ALK: variants seen among roughly 807,000 people sequenced by gnomAD.
ALK encodes the protein ALK tyrosine kinase receptor.
In ALK, 74 loss-of-function variants were observed where a neutral mutation model predicts 163.1. That is an observed-to-expected ratio of 0.45 (90% CI 0.38 to 0.55). The LOEUF is 0.55. Ranked by LOEUF, ALK falls within the 20% of genes least tolerant of loss-of-function variation. The probability of loss-of-function intolerance (pLI) is 0.00; values close to 1 mark genes in which losing one functional copy is unlikely to be tolerated. For synonymous variants in ALK, 960 were observed against 843.2 expected (o/e 1.14, Z -2.40); for missense variants, 2,063 against 2,105.3 (o/e 0.98, Z 0.39).
intron 4 of ALK, among the ~76,000 whole-genome samples, chr2:29,426,868 T>A (rs1437152314): frequency 6.6e-6 from 1 of 151,612 alleles, no homozygotes; most frequent in African/African-American, 2.4e-5. Flanking sequence ...TAAAACCCTA[T>A]CTCTACTAAA....
At chr2:29,240,152 CAGAGAGAGAGAGAG>C (rs3054022) in intron 12 of ALK, among the ~76,000 whole-genome samples, 1 of 143,298 alleles carries the variant, frequency 7.0e-6, no homozygotes, top group South Asian at 2.3e-4. Context: ...AGGGAAACAG[CAGAGAGAGAGAGAG>C]AGAGAGAGAG....
At chr2:29,482,365 T>C (rs954721358) in intron 4 of ALK, among the ~76,000 whole-genome samples, 1 of 152,160 alleles carries the variant, frequency 6.6e-6, no homozygotes, top group East Asian at 1.9e-4. Context: ...TGTATGAAAG[T>C]GGACTTGGAG....
intron 5 of ALK, among the ~76,000 whole-genome samples, chr2:29,355,505 C>G (rs921775258): frequency 6.6e-6 from 1 of 152,180 alleles, no homozygotes; most frequent in Non-Finnish European, 1.5e-5. Context: ...CACACACACA[C>G]ACACCACTTG....
intron 1 of ALK, among the ~76,000 whole-genome samples, chr2:29,808,914 T>C (rs1470088638): frequency 6.6e-6 from 1 of 152,250 alleles, no homozygotes; most frequent in Non-Finnish European, 1.5e-5. Flanking sequence ...CATCTTTATG[T>C]ACAGCTTCCT....
chr2:29,624,822 C>T (rs534924755), intron 3 of ALK, among the ~76,000 whole-genome samples: 4 of 152,308 alleles, frequency 2.6e-5, no homozygotes, highest in Non-Finnish European at 5.9e-5. Flanking sequence ...CCAAATCCCA[C>T]GCCAAGGCAC....
At chr2:29,559,768 CGTGT>C (rs56285031) in intron 3 of ALK, among the ~76,000 whole-genome samples, 367 of 143,124 alleles carry the variant, frequency 2.6e-3, no homozygotes, top group African/African-American at 5.6e-3. Context: ...GGAGCATGTA[CGTGT>C]GTGTGTGTGT....
At chr2:29,357,227 C>T (rs142367359) in intron 5 of ALK, among the ~76,000 whole-genome samples, 45 of 152,330 alleles carry the variant, frequency 3.0e-4, no homozygotes, top group Non-Finnish European at 4.3e-4. Flanking sequence ...TTCACTAGGA[C>T]TAAATATGAG....
intron 4 of ALK, among the ~76,000 whole-genome samples, chr2:29,443,097 C>T (rs925086476): frequency 6.6e-6 from 1 of 152,206 alleles, no homozygotes; most frequent in Non-Finnish European, 1.5e-5. Context: ...GCGTCCTTTC[C>T]CATCCCTGTG....
chr2:29,890,940 A>C (rs1464581221), intron 1 of ALK: 1 of 152,216 alleles, frequency 6.6e-6, no homozygotes, highest in Non-Finnish European at 1.5e-5. Flanking sequence ...AGTGAAGAAG[A>C]CCTAAGTTTG....
chr2:29,200,394 G>C (rs1669127307), intron 26 of ALK, among the ~76,000 whole-genome samples: 1 of 152,064 alleles, frequency 6.6e-6, no homozygotes, highest in East Asian at 1.9e-4. Context: ...AGTAGTATTG[G>C]TCATAGAACT....
Position 29,359,797 on chromosome 2 carries a change from C to A in ALK, c.1282+23935G>T, listed in dbSNP as rs559362607. ...GGGTGGTGGTCTGCTGCCTGCTTCC[C>A]TCCTGTCTCTGTCTTGAAGATAATT... On this transcript the variant is annotated intron_variant, in intron 5 of 28. Coordinates refer to ENST00000389048, the MANE Select transcript of ALK (RefSeq NM_004304.5). Among the ~76,000 whole-genome samples, 3 of 152,316 alleles carry A rather than the reference C, an allele frequency of 2.0e-5. No individual in the cohort carries two copies. The East Asian group carries it at 5.8e-4, about 29-fold the overall frequency.
chr2:29,254,073 G>A (rs552771076), intron 11 of ALK, among the ~76,000 whole-genome samples: 212 of 152,244 alleles, frequency 1.4e-3, no homozygotes, highest in African/African-American at 4.5e-3. Flanking sequence ...GGCTTTGTAA[G>A]GGGCTTCCCC....
intron 8 of ALK, among the ~76,000 whole-genome samples, chr2:29,311,640 C>T (rs1166926586): frequency 6.6e-6 from 1 of 152,206 alleles, no homozygotes; most frequent in Non-Finnish European, 1.5e-5. Flanking sequence ...TCGTTGACGG[C>T]AGCTGTCCCA....
chr2:29,688,939 A>C (rs1678314207), intron 3 of ALK, among the ~76,000 whole-genome samples: 1 of 152,190 alleles, frequency 6.6e-6, no homozygotes, highest in Non-Finnish European at 1.5e-5. Flanking sequence ...CTGCACTAGC[A>C]CATTTCACTC....
intron 1 of ALK, among the ~76,000 whole-genome samples, chr2:29,851,158 C>A (rs1226733711): frequency 6.6e-6 from 1 of 152,196 alleles, no homozygotes; most frequent in Non-Finnish European, 1.5e-5. Flanking sequence ...AATTAACTGC[C>A]CTTATTGGAT....
At chr2:29,840,668 G>C (rs1348584897) in intron 1 of ALK, among the ~76,000 whole-genome samples, 1 of 152,096 alleles carries the variant, frequency 6.6e-6, no homozygotes, top group Non-Finnish European at 1.5e-5. Context: ...TCTTGAATTC[G>C]GGAAAGAAAG....
intron 4 of ALK, among the ~76,000 whole-genome samples, chr2:29,448,706 C>T (rs1670748691): frequency 6.6e-6 from 1 of 152,110 alleles, no homozygotes; most frequent in African/African-American, 2.4e-5. Flanking sequence ...TGAAAAATAT[C>T]CCCATATATA....
At chr2:29,651,344 T>C (rs1300878971) in intron 3 of ALK, among the ~76,000 whole-genome samples, 1 of 152,162 alleles carries the variant, frequency 6.6e-6, no homozygotes, top group Non-Finnish European at 1.5e-5. Flanking sequence ...TAAATTATGA[T>C]ACCTTAAACA....
At chr2:29,702,039 G>A (rs1053351917) in intron 2 of ALK, among the ~76,000 whole-genome samples, 3 of 151,916 alleles carry the variant, frequency 2.0e-5, no homozygotes, top group Non-Finnish European at 2.9e-5. Context: ...AACAGTGTAC[G>A]AGCTCCACAA....
Sources: allele counts gnomAD v4.1 joint callset (sites outside exome capture counted in the v4.1 genomes callset), GRCh38; gene constraint gnomAD v4.1.1; transcripts MANE v1.5; gene names NCBI Gene and HGNC (gene_info 2026-07-23, HGNC 2026-07-21).